RALGPS2: variants seen among roughly 807,000 people sequenced by gnomAD.
RALGPS2 encodes Ral GEF with PH domain and SH3 binding motif 2.
RALGPS2 carries 43 observed loss-of-function variants against 86.8 expected under a neutral mutation model. That is an observed-to-expected ratio of 0.50 (90% confidence interval 0.39 to 0.64). The LOEUF is 0.64. RALGPS2 is among the 30% of genes least tolerant of loss of function. RALGPS2 has a pLI of 0.00. For missense variants in RALGPS2, 536 were observed against 694.6 expected (o/e 0.77, Z 2.57); for synonymous variants, 243 against 231.3 (o/e 1.05, Z -0.46).
At position 178,811,766 on chromosome 1, in the gene RALGPS2, A is replaced by G. The variant is rs548833719; in HGVS notation, c.387+362A>G. ...GAATTAAGTAGGAGAATACTACTTC[A>G]CTTCTGAAGTGAACCATGTGAAGAA... is the stretch of plus-strand genomic sequence containing the variant. On this transcript the variant is annotated intron_variant, in intron 6 of 19. Coordinates refer to ENST00000367635, the MANE Select transcript of RALGPS2 (RefSeq NM_152663.5). Among the ~76,000 whole-genome samples the G allele has an allele frequency of 7.2e-5, 11 of 152,358 alleles. No homozygotes were observed. In the South Asian group the frequency reaches 1.4e-3, roughly 20 times the overall value.
At chr1:178,855,313 T>C (rs1558151834) in intron 8 of RALGPS2, among the ~76,000 whole-genome samples, 1 of 145,768 alleles carries the variant, frequency 6.9e-6, no homozygotes. Flanking sequence ...TTTTTTTTTT[T>C]ACTTCATATC....
rs568753748 is a variant in RALGPS2 at position 178,748,850 on chromosome 1, C to CAAA, written c.-84+23445_-84+23447dup. Reference sequence around the variant, plus strand: ...TGGGTGACAGAGTGAGACTCTGTCTCAAAAAAAAAAAAAAAAGAAGGCAGG... The same window carrying CAAA: ...TGGGTGACAGAGTGAGACTCTGTCTCAAAAAAAAAAAAAAAAAAAGAAGGCAGG... On this transcript the variant is annotated intron_variant, in intron 1 of 19. Transcript: ENST00000367635. Among the ~76,000 whole-genome samples the CAAA allele has an allele frequency of 3.3e-3, 319 of 97,440 alleles. 4 individuals carry two copies. The highest frequency in any genetic ancestry group is 0.01 in the African/African-American group (293 of 28,776). The allele number at this position is 97,440 out of a possible 152,430, so 63.9% of individuals were successfully genotyped here. A position where few individuals can be genotyped will look rare whatever the true frequency, so the allele number is the denominator to read the frequency against.
chr1:178,816,557 G>A (rs1655241265), intron 6 of RALGPS2, among the ~76,000 whole-genome samples: 1 of 151,966 alleles, frequency 6.6e-6, no homozygotes. Context: ...TGGTTAGTGA[G>A]CAGAACTGTT....
At chr1:178,838,944 C>T (rs1053545136) in intron 8 of RALGPS2, among the ~76,000 whole-genome samples, 11 of 151,594 alleles carry the variant, frequency 7.3e-5, no homozygotes, top group East Asian at 1.9e-4. Flanking sequence ...TGAAATGAAG[C>T]GAGAAGAGAA....
chr1:178,793,771 T>C (rs1336085855), intron 4 of RALGPS2, among the ~76,000 whole-genome samples: 1 of 152,202 alleles, frequency 6.6e-6, no homozygotes, highest in Non-Finnish European at 1.5e-5. Flanking sequence ...GCATATGATC[T>C]CCCATTGTTT....
At chr1:178,896,303 G>T (rs916954382) in intron 16 of RALGPS2, among the ~76,000 whole-genome samples, 1 of 152,024 alleles carries the variant, frequency 6.6e-6, no homozygotes, top group Non-Finnish European at 1.5e-5. Flanking sequence ...CTGTGAAAAG[G>T]AGAAGAGAAA....
chr1:178,879,228 C>T (rs1417636646), intron 10 of RALGPS2: 4 of 363,812 alleles, frequency 1.1e-5, no homozygotes, highest in African/African-American at 2.1e-5. Flanking sequence ...AGAGAGCTAA[C>T]GTTTGATAGT....
At chr1:178,811,506 A>G (rs897276039) in intron 6 of RALGPS2, 102 bp downstream of exon 6, 1 of 876,366 alleles carries the variant, frequency 1.1e-6, no homozygotes, top group Non-Finnish European at 1.7e-6. Context: ...TTGATACTGG[A>G]AAAATAAGAC....
At chr1:178,793,709 A>G (rs1201536141) in intron 4 of RALGPS2, among the ~76,000 whole-genome samples, 2 of 152,174 alleles carry the variant, frequency 1.3e-5, no homozygotes, top group African/African-American at 4.8e-5. Flanking sequence ...CCTGTTTACT[A>G]TTAGAGATTG....
chr1:178,804,071 T>C (rs1654613300), intron 4 of RALGPS2, among the ~76,000 whole-genome samples: 1 of 89,248 alleles, frequency 1.1e-5, no homozygotes, highest in Non-Finnish European at 3.2e-5. Context: ...ATCTATTCCT[T>C]TTTTTTTTTT....
chr1:178,835,286 TTTC>T (rs1379910614), intron 8 of RALGPS2, among the ~76,000 whole-genome samples: 1 of 152,224 alleles, frequency 6.6e-6, no homozygotes, highest in Non-Finnish European at 1.5e-5. Context: ...GTCATTGAAT[TTTC>T]TTCTTTGAGC....
In RALGPS2 at chr1:178,856,394, A is replaced by ATTTTTTTTTTTTTTTTTTTTTTT. The variant is rs71108081; in HGVS notation, c.608-21094_608-21072dup. ...AGGCAAGTGCCACCCTGCCTGGCTA[A>ATTTTTTTTTTTTTTTTTTTTTTT]TTTTTTTTTTTTTTTTTTTTTTTTT... On this transcript the variant is annotated intron_variant, in intron 8 of 19. Transcript: ENST00000367635. 1.1e-4 allele frequency among the ~76,000 whole-genome samples: 4 copies of ATTTTTTTTTTTTTTTTTTTTTTT among 36,430 alleles called. 1 individual carries two copies. Among genetic ancestry groups the ATTTTTTTTTTTTTTTTTTTTTTT allele is most frequent in the African/African-American group, 4.4e-4 (3 of 6,866 alleles). 23.9% of individuals were successfully genotyped at this position (36,430 alleles called of 152,430 possible). A position where few individuals can be genotyped will look rare whatever the true frequency, so the allele number is the denominator to read the frequency against.
intron 1 of RALGPS2, among the ~76,000 whole-genome samples, chr1:178,744,633 G>A (rs1412247164): frequency 6.6e-6 from 1 of 151,912 alleles, no homozygotes; most frequent in Non-Finnish European, 1.5e-5. Flanking sequence ...GGCCAACATG[G>A]TGAAACCCCG....
At chr1:178,753,733 A>G (rs1195505545) in intron 1 of RALGPS2, 1 of 152,190 alleles carries the variant, frequency 6.6e-6, no homozygotes, top group Non-Finnish European at 1.5e-5. Context: ...AAGCAGGAAG[A>G]AAAAACCGTA....
chr1:178,815,819 T>G (rs896875941), intron 6 of RALGPS2, among the ~76,000 whole-genome samples: 2 of 152,228 alleles, frequency 1.3e-5, no homozygotes, highest in Admixed American at 1.3e-4. Context: ...AAGGCTGTTC[T>G]GGGAATTTAT....
intron 6 of RALGPS2, among the ~76,000 whole-genome samples, chr1:178,812,671 C>T (rs1002700668): frequency 1.3e-5 from 2 of 152,124 alleles, no homozygotes; most frequent in Admixed American, 6.5e-5. Flanking sequence ...ATTGTAGCCA[C>T]GTTCATTCAT....
At chr1:178,830,136 C>G (rs1046195280) in intron 7 of RALGPS2, among the ~76,000 whole-genome samples, 2 of 152,098 alleles carry the variant, frequency 1.3e-5, no homozygotes, top group African/African-American at 4.8e-5. Flanking sequence ...AGCTTGATAG[C>G]TTGATAATAA....
In RALGPS2 at chr1:178,776,778, A is replaced by G; in HGVS notation, c.14A>G (p.Asn5Ser). The G allele has an allele frequency of 6.2e-7, 1 of 1,613,010 alleles. No individual in the cohort carries two copies. Among genetic ancestry groups the G allele is most frequent in the Admixed American group, 1.7e-5 (1 of 59,938 alleles). The change falls in exon 2 of 20, where the codon AAC becomes AGC. Residue 5 changes from asparagine to serine, a missense_variant. Around this residue, in one of 3 missense-constraint regions of RALGPS2, gnomAD observed 43 missense variants for 34.9 expected, o/e 1.23. Transcript: ENST00000367635. ...GATGAGGAAAGCATGGACCTAATGA[A>G]CGGGCAGGCAAGCAGTGTCAATATT... MDLM[N>S]GQASSVNIAA...
rs1654974618 is a variant in RALGPS2, at chr1:178,811,510, A to C, written c.387+106A>C. On this transcript the variant is annotated intron_variant, in intron 6 of 19. Coordinates refer to ENST00000367635, the MANE Select transcript of RALGPS2 (RefSeq NM_152663.5). The stretch of plus-strand genomic sequence containing the variant: ...TTCACTGTTTATTGATACTGGAAAA[A>C]TAAGACTCATTGATATAAGTCAATT... The C allele has an allele frequency of 3.5e-6, 3 of 849,386 alleles. No individual in the cohort carries two copies. The Admixed American group carries it at 9.0e-5, about 25-fold the overall frequency. 52.6% of individuals were successfully genotyped at this position (849,386 alleles called of 1,614,324 possible). A position where few individuals can be genotyped will look rare whatever the true frequency, so the allele number is the denominator to read the frequency against.
Sources: allele counts gnomAD v4.1 joint callset (sites outside exome capture counted in the v4.1 genomes callset), GRCh38; gene constraint gnomAD v4.1.1; regional missense constraint gnomAD v4.1.1; transcripts MANE v1.5; gene names NCBI Gene and HGNC (gene_info 2026-07-23, HGNC 2026-07-21).